The following KIF26B variants were observed in gnomAD, a reference collection of about 807,000 sequenced individuals.
KIF26B encodes the protein kinesin family member 26B, also known as kinesin-like protein KIF26B.
Under a neutral mutation model 151.2 loss-of-function variants are expected in KIF26B, and 63 were observed. The observed-to-expected ratio is 0.42, with a 90% CI of 0.34 to 0.51. The LOEUF (loss-of-function observed/expected upper bound fraction) is 0.51, where lower values mean the gene tolerates loss of function less well. Among genes scored for constraint, KIF26B ranks in the 20% least tolerant of loss-of-function variants. The pLI is 0.07. For synonymous variants in KIF26B, 1,357 were observed against 1,262.1 expected, an observed-to-expected ratio of 1.08 and a Z score of -1.59; for missense variants, 2,813 against 2,913.6, an observed-to-expected ratio of 0.97 and a Z score of 0.79.
chr1:245,475,720 C>T (rs1279045322), intron 4 of KIF26B, among the ~76,000 whole-genome samples: 1 of 151,802 alleles, frequency 6.6e-6, no homozygotes, highest in Non-Finnish European at 1.5e-5. Context: ...TCTGGGATGA[C>T]TATAATCAAA....
chr1:245,448,837 C>T (rs1266619732), intron 4 of KIF26B, among the ~76,000 whole-genome samples: 3 of 152,328 alleles, frequency 2.0e-5, no homozygotes, highest in East Asian at 3.9e-4. Flanking sequence ...GATAACTAAA[C>T]ATTTACTCAA....
chr1:245,369,940 C>A (rs1207009689), intron 3 of KIF26B, among the ~76,000 whole-genome samples: 1 of 152,172 alleles, frequency 6.6e-6, no homozygotes, highest in Non-Finnish European at 1.5e-5. Flanking sequence ...TTGGAAGTAA[C>A]CTTCTAGGGC....
chr1:245,372,089 G>T (rs538627762), intron 3 of KIF26B, among the ~76,000 whole-genome samples: 1 of 152,060 alleles, frequency 6.6e-6, no homozygotes, highest in Non-Finnish European at 1.5e-5. Flanking sequence ...GGAGCCAGCC[G>T]CAGAGCAGGA....
rs1223435280 is a variant in KIF26B, at chr1:245,601,806, A to G, written c.1351-771A>G. Among the ~76,000 whole-genome samples the G allele has an allele frequency of 6.6e-6, 1 of 152,202 alleles. No homozygotes were observed. The highest frequency in any genetic ancestry group is 6.5e-5 in the Admixed American group (1 of 15,274). On this transcript the variant is annotated intron_variant, in intron 5 of 14. Coordinates refer to ENST00000407071, the MANE Select transcript of KIF26B (RefSeq NM_018012.4). The surrounding 1 kb of genome is among the most constrained non-coding windows in gnomAD (Gnocchi z 4.4). ...CCTCAGCCTGATTTCTGTTCACCTTAGAACCCCAAGGCTGACTGTGCATTT... is the reference window on the plus strand; with the variant it reads ...CCTCAGCCTGATTTCTGTTCACCTTGGAACCCCAAGGCTGACTGTGCATTT...
intron 4 of KIF26B, among the ~76,000 whole-genome samples, chr1:245,465,267 C>T (rs1347553395): frequency 5.3e-5 from 8 of 152,298 alleles, no homozygotes; most frequent in East Asian, 1.9e-4. Context: ...CGTGAGCCAC[C>T]GCGCCCGGAC....
At chr1:245,246,002 G>A (rs938463263) in intron 2 of KIF26B, among the ~76,000 whole-genome samples, 2 of 151,354 alleles carry the variant, frequency 1.3e-5, no homozygotes, top group African/African-American at 4.8e-5. Flanking sequence ...TGAGGCAGGA[G>A]AATCGCTTGA....
intron 4 of KIF26B, among the ~76,000 whole-genome samples, chr1:245,498,384 A>G (rs76676977): frequency 0.037 from 5,595 of 152,252 alleles, 368 homozygotes; most frequent in African/African-American, 0.13. Context: ...TGACTCCGCC[A>G]GCAAACATCT....
chr1:245,460,339 A>G (rs1039038312), intron 4 of KIF26B, among the ~76,000 whole-genome samples: 7 of 151,788 alleles, frequency 4.6e-5, no homozygotes, highest in African/African-American at 1.7e-4. Flanking sequence ...TCTCTGGGTC[A>G]TTTTTCTCTT....
chr1:245,520,760 A>G (rs1661083430), intron 4 of KIF26B, among the ~76,000 whole-genome samples: 1 of 152,184 alleles, frequency 6.6e-6, no homozygotes, highest in Non-Finnish European at 1.5e-5. Context: ...TACATCAGAA[A>G]GGGCAATATT....
chr1:245,398,754 A>G (rs1388040334), intron 3 of KIF26B, among the ~76,000 whole-genome samples: 2 of 151,440 alleles, frequency 1.3e-5, no homozygotes, highest in East Asian at 3.9e-4. Flanking sequence ...AAATGATAGA[A>G]TTCTAAAATA....
At chr1:245,190,236 C>T (rs956789066) in intron 2 of KIF26B, among the ~76,000 whole-genome samples, 4 of 152,322 alleles carry the variant, frequency 2.6e-5, no homozygotes, top group African/African-American at 9.6e-5. Context: ...GGAGGGGACA[C>T]AGCCAGACCA....
Position 245,688,324 on chromosome 1 carries a change from C to T in KIF26B, c.5341C>T (p.Pro1781Ser), listed in dbSNP as rs2044566752. 1 of 1,593,592 alleles carries T rather than the reference C, an allele frequency of 6.3e-7. No individual in the cohort carries two copies. Among genetic ancestry groups the T allele is most frequent in the African/African-American group, 1.3e-5 (1 of 74,758 alleles). The change falls in exon 12 of 15, where the codon CCC becomes TCC. Residue 1781 changes from proline (P) to serine (S), a missense_variant. Physicochemically the swap from Pro to Ser is moderately conservative, Grantham distance 74. This residue lies in a region of KIF26B where 2,060 missense variants were observed against 2,088.6 expected (regional missense o/e 0.99). Coordinates refer to ENST00000407071, the MANE Select transcript of KIF26B (RefSeq NM_018012.4). The part of the protein sequence containing the change: ...SSSPPGGKHT[P>S]WSTQSLSRNR... The stretch of plus-strand genomic sequence containing the variant: ...CTCGCCCCCCGGTGGGAAGCACACG[C>T]CCTGGTCCACGCAGTCCCTCAGCAG...
intron 2 of KIF26B, among the ~76,000 whole-genome samples, chr1:245,224,829 GAA>G (rs1304429100): frequency 6.6e-6 from 1 of 152,172 alleles, no homozygotes; most frequent in Non-Finnish European, 1.5e-5. Context: ...TAGTGGAGTA[GAA>G]AAAGTTTACT....
Position 245,233,145 on chromosome 1 carries a change from T to C in KIF26B, c.465+76462T>C, listed in dbSNP as rs1002875296. On this transcript the variant is annotated intron_variant, in intron 2 of 14. Coordinates refer to ENST00000407071, the MANE Select transcript of KIF26B (RefSeq NM_018012.4). ...TAGTCACTGAGTAAATGACAAACAA[T>C]GTATGAGGCTCTGGGCATAATGAAA... 3.9e-5 allele frequency among the ~76,000 whole-genome samples: 6 copies of C among 152,160 alleles called. 1 individual carries two copies. Among genetic ancestry groups the C allele is most frequent in the African/African-American group, 7.2e-5 (3 of 41,442 alleles).
At position 245,367,298 on chromosome 1, in the gene KIF26B, G is replaced by T. The variant is rs374879903; in HGVS notation, c.930G>T (p.Gln310His). Residue 310 changes from glutamine (Q) to histidine (H), a missense_variant, in exon 3 of 15, where the codon CAG (glutamine) becomes CAT (histidine). By Grantham distance (24) the Gln-to-His change is conservative. Transcript: ENST00000407071. The surrounding 1 kb of genome is among the most constrained non-coding windows in gnomAD (Gnocchi z 4.2). ...NGNILNSVAI[Q>H]AHQYLDGTWS... ...ACATCCTCAATTCGGTGGCCATCCA[G>T]GCTCACCAGTACCTGGATGGCACCT... 3.8e-6 allele frequency: 6 copies of T among 1,596,898 alleles called. No individual in the cohort carries two copies. Among genetic ancestry groups the T allele is most frequent in the East Asian group, 2.3e-5 (1 of 44,044 alleles).
chr1:245,568,184 C>CAAAAAAAAAAA (rs61494632), intron 5 of KIF26B, among the ~76,000 whole-genome samples: 4 of 28,704 alleles, frequency 1.4e-4, no homozygotes, highest in African/African-American at 5.3e-4. Flanking sequence ...AACTCCATCT[C>CAAAAAAAAAAA]AAAAAAAAAA....
rs902357735 is a variant in KIF26B, at chr1:245,607,820, A to G, written c.1651+76A>G. The stretch of plus-strand genomic sequence containing the variant: ...CCATGCATTCCTCTGTCTCCCTCCC[A>G]GAGTTCTCTGATGACAGGAAGGGCT... On this transcript the variant is annotated intron_variant, in intron 7 of 14. Transcript: ENST00000407071. 4 of 1,173,814 alleles carry G rather than the reference A, an allele frequency of 3.4e-6. No homozygotes were observed. The East Asian group carries it at 7.7e-5, about 22-fold the overall frequency. The allele number at this position is 1,173,814 out of a possible 1,614,324, so 72.7% of individuals were successfully genotyped here.
At chr1:245,317,688 T>C (rs534971681) in intron 2 of KIF26B, among the ~76,000 whole-genome samples, 1 of 152,316 alleles carries the variant, frequency 6.6e-6, no homozygotes, top group South Asian at 2.1e-4. Flanking sequence ...CACCCCTTTC[T>C]TCACATTTCC....
At position 245,687,416 on chromosome 1, in the gene KIF26B, AG is replaced by A; in HGVS notation, c.4435del (p.Glu1479SerfsTer149). The A allele has an allele frequency of 6.3e-7, 1 of 1,589,550 alleles. No individual in the cohort carries two copies. The highest frequency in any genetic ancestry group is 8.6e-7 in the Non-Finnish European group (1 of 1,168,328). On this transcript the variant is annotated frameshift_variant, in exon 12 of 15. Coordinates refer to ENST00000407071, the MANE Select transcript of KIF26B (RefSeq NM_018012.4). LOFTEE classifies it high-confidence loss of function. This position sits in a 1 kb window ranked among gnomAD's most constrained non-coding sequence, Gnocchi z 4.9. ...TCGAATGCTGAGACCAGAGCAGAGC[AG>A]GAGCAGGACGGAAAGCCCAGTCCGG... ...GPSNAETRAE[Q>X]EQDGKPSPGD...
Sources: gnomAD v4.1 joint callset for allele counts (sites outside exome capture counted in the v4.1 genomes callset) on GRCh38, gnomAD v4.1.1 for gene constraint, gnomAD v4.1.1 regional missense constraint, Gnocchi (gnomAD v3.1) non-coding constraint, MANE v1.5 for transcripts, NCBI Gene and HGNC (gene_info 2026-07-23, HGNC 2026-07-21) for gene names.